Variants in ERLIN1 observed in about 807,000 individuals in gnomAD.
ERLIN1 encodes the protein erlin-1.
ERLIN1 carries 24 observed loss-of-function variants against 46.9 expected under a neutral mutation model. The ratio of observed to expected loss-of-function variants is 0.51; its 90% confidence interval spans 0.37 to 0.72. ERLIN1 has a LOEUF of 0.72. Among genes scored for constraint, ERLIN1 ranks in the 30% least tolerant of loss-of-function variants. The pLI, the probability that ERLIN1 is intolerant of heterozygous loss-of-function variation, is 0.00. For synonymous variants in ERLIN1, 158 were observed against 143.2 expected, an observed-to-expected ratio of 1.10 and a Z score of -0.74; for missense variants, 293 against 417.9, an observed-to-expected ratio of 0.70 and a Z score of 2.61.
chr10:100,166,791 T>C (rs1243536390), intron 7 of ERLIN1, among the ~76,000 whole-genome samples: 2 of 152,206 alleles, frequency 1.3e-5, no homozygotes, highest in East Asian at 3.8e-4. Flanking sequence ...TGTCAGAAAC[T>C]AATTTCATGT....
chr10:100,163,605 C>G (rs147060171), intron 8 of ERLIN1, among the ~76,000 whole-genome samples: 1 of 152,160 alleles, frequency 6.6e-6, no homozygotes, highest in Non-Finnish European at 1.5e-5. Flanking sequence ...CTTTCATAAA[C>G]GGCACTACCT....
chr10:100,185,648 G>A lies in ERLIN1; in HGVS notation c.-22C>T. 4 of 1,594,282 alleles carry A rather than the reference G, an allele frequency of 2.5e-6. No homozygotes were observed. Among genetic ancestry groups the A allele is most frequent in the Non-Finnish European group, 3.4e-6 (4 of 1,162,058 alleles). ...TCATTCTCGTTCCTCCTGGGAGCGGGAGAAAAGGACCCTCAGTCCCGTGAG... is the reference window on the plus strand; with the variant it reads ...TCATTCTCGTTCCTCCTGGGAGCGGAAGAAAAGGACCCTCAGTCCCGTGAG... On this transcript the variant is annotated 5_prime_UTR_variant, in exon 1 of 11. Transcript: ENST00000421367.
At chr10:100,165,978 A>G (rs1439905074) in intron 7 of ERLIN1, among the ~76,000 whole-genome samples, 1 of 152,222 alleles carries the variant, frequency 6.6e-6, no homozygotes, top group Non-Finnish European at 1.5e-5. Context: ...CGCCGGCCTC[A>G]GCCTCCTGAA....
chr10:100,156,739 ATGG>A (rs1466755593), intron 8 of ERLIN1, among the ~76,000 whole-genome samples: 3 of 152,188 alleles, frequency 2.0e-5, no homozygotes, highest in Admixed American at 6.5e-5. Context: ...AGGGCCAGTC[ATGG>A]TGATTCACGC....
At chr10:100,167,450 A>T in intron 6 of ERLIN1, 44 bp from the exon 7 acceptor site, 9 of 1,485,672 alleles carry the variant, frequency 6.1e-6, no homozygotes, top group Non-Finnish European at 8.4e-6. Context: ...TTGAAAGATA[A>T]ATCTTCAAAT....
At chr10:100,174,456 A>G (rs193224751) in intron 5 of ERLIN1, among the ~76,000 whole-genome samples, 175 bp from the exon 6 acceptor site, 404 of 152,328 alleles carry the variant, frequency 2.7e-3, no homozygotes, top group Middle Eastern at 0.01. Context: ...GCAAGGAATT[A>G]TCTAATAAAG....
chr10:100,153,318 C>T (rs1206281871), intron 10 of ERLIN1, among the ~76,000 whole-genome samples: 4 of 151,950 alleles, frequency 2.6e-5, no homozygotes, highest in African/African-American at 9.7e-5. Context: ...GATTAAAACT[C>T]GTCGACCACC....
intron 6 of ERLIN1, among the ~76,000 whole-genome samples, chr10:100,167,924 A>G (rs1285018588): frequency 6.6e-6 from 1 of 152,242 alleles, no homozygotes; most frequent in Admixed American, 6.5e-5. Flanking sequence ...TGCTGTAAGT[A>G]AACAGCCCAC....
At chr10:100,183,340 G>C (rs1844770875) in intron 2 of ERLIN1, among the ~76,000 whole-genome samples, 1 of 152,162 alleles carries the variant, frequency 6.6e-6, no homozygotes, top group Non-Finnish European at 1.5e-5. Flanking sequence ...AGGCAGAAAG[G>C]CTGTGTATAA....
In ERLIN1 at chr10:100,151,364, C is replaced by T. The variant is rs903901134; in HGVS notation, c.*767G>A. The T allele has an allele frequency of 6.5e-6, 1 of 152,866 alleles. No homozygotes were observed. Among genetic ancestry groups the T allele is most frequent in the African/African-American group, 2.4e-5 (1 of 41,444 alleles). 9.5% of individuals were successfully genotyped at this position (152,866 alleles called of 1,614,324 possible). A position where few individuals can be genotyped will look rare whatever the true frequency, so the allele number is the denominator to read the frequency against. ...CTGCGGCAGTGATGCTGACAGTCAT[C>T]AACCCAATGCAGGGAATGCAAGGCC... On this transcript the variant is annotated 3_prime_UTR_variant, in exon 11 of 11. Transcript: ENST00000421367.
chr10:100,167,080 C>G (rs1307813892), intron 7 of ERLIN1, among the ~76,000 whole-genome samples: 6 of 152,174 alleles, frequency 3.9e-5, no homozygotes, highest in Non-Finnish European at 7.3e-5. Flanking sequence ...AATTATAGCT[C>G]CTTAAGCTTC....
chr10:100,160,369 A>C (rs1267777994), intron 8 of ERLIN1, among the ~76,000 whole-genome samples: 2 of 152,188 alleles, frequency 1.3e-5, no homozygotes, highest in Admixed American at 1.3e-4. Context: ...GATGTGATAT[A>C]CAATAGAACA....
At position 100,165,577 on chromosome 10, in the gene ERLIN1, G is replaced by A. The variant is rs555531707; in HGVS notation, c.564-1482C>T. 2.7e-4 allele frequency among the ~76,000 whole-genome samples: 41 copies of A among 151,938 alleles called. No individual in the cohort carries two copies. The East Asian group carries it at 7.8e-3, about 29-fold the overall frequency. The stretch of plus-strand genomic sequence containing the variant: ...AATTTTTTGTATTTTTAGTAGAGAC[G>A]GGGTTTCATTGTGTTAGCTAGGATG... On this transcript the variant is annotated intron_variant, in intron 7 of 10. Transcript: ENST00000421367.
intron 6 of ERLIN1, 91 bp from the exon 7 acceptor site, chr10:100,167,497 A>G: frequency 9.9e-7 from 1 of 1,005,552 alleles, no homozygotes; most frequent in East Asian, 2.5e-5. Context: ...AATGATACTA[A>G]TCTAATAAAC....
At chr10:100,179,338 C>A in intron 2 of ERLIN1, 91 bp from the exon 3 acceptor site, 1 of 807,848 alleles carries the variant, frequency 1.2e-6, no homozygotes, top group Non-Finnish European at 2.1e-6. Context: ...AAGCTGCTGA[C>A]AGTAAGTACA....
At chr10:100,166,922 A>T (rs1228971396) in intron 7 of ERLIN1, among the ~76,000 whole-genome samples, 1 of 152,224 alleles carries the variant, frequency 6.6e-6, no homozygotes, top group Non-Finnish European at 1.5e-5. Context: ...ATACAATCAC[A>T]TACAATGGAA....
Position 100,152,119 on chromosome 10 carries a change from C to A in ERLIN1, c.*12G>T. On this transcript the variant is annotated 3_prime_UTR_variant, in exon 11 of 11. Transcript: ENST00000421367. ...CCACATCTTGATATGGAGAACATTT[C>A]CACCTCTTGCATCAACCTGTGCTCT... is the stretch of plus-strand genomic sequence containing the variant. The A allele has an allele frequency of 6.4e-7, 1 of 1,565,770 alleles. No individual in the cohort carries two copies. The highest frequency in any genetic ancestry group is 1.1e-5 in the South Asian group (1 of 90,088).
intron 8 of ERLIN1, 146 bp from the exon 9 acceptor site, chr10:100,156,380 T>C (rs1843082424): frequency 3.3e-6 from 2 of 604,938 alleles, no homozygotes; most frequent in Non-Finnish European, 5.9e-6. Flanking sequence ...AGTCAGACTG[T>C]AAACTACTCA....
chr10:100,174,944 C>T (rs1411284519), intron 5 of ERLIN1, among the ~76,000 whole-genome samples: 2 of 152,182 alleles, frequency 1.3e-5, no homozygotes, highest in Non-Finnish European at 2.9e-5. Flanking sequence ...AAGCAGGACC[C>T]ATCAGTTTCC....
Sources: allele counts gnomAD v4.1 joint callset (sites outside exome capture counted in the v4.1 genomes callset), GRCh38; gene constraint gnomAD v4.1.1; transcripts MANE v1.5; gene names NCBI Gene and HGNC (gene_info 2026-07-23, HGNC 2026-07-21).